Variants in ANGPTL5 observed in about 807,000 individuals in gnomAD.
The protein encoded by ANGPTL5 is angiopoietin like 5, also known as angiopoietin-related protein 5.
A neutral mutation model predicts 39.4 loss-of-function variants in ANGPTL5; 34 were observed. That is an observed-to-expected ratio of 0.86 (90% confidence interval 0.66 to 1.15). The LOEUF is 1.15. Ranked by LOEUF, ANGPTL5 falls within the 50% of genes most tolerant of loss-of-function variation. The pLI is 0.00. For missense variants in ANGPTL5, 467 were observed against 457.5 expected, an observed-to-expected ratio of 1.02 and a Z score of -0.19; for synonymous variants, 146 against 152.1, an observed-to-expected ratio of 0.96 and a Z score of 0.29.
At chr11:101,909,885 G>A (rs1263545602) in intron 1 of ANGPTL5, among the ~76,000 whole-genome samples, 1 of 152,120 alleles carries the variant, frequency 6.6e-6, no homozygotes, top group Non-Finnish European at 1.5e-5. Context: ...AACAAATAGT[G>A]GAGTTTCAGC....
At chr11:101,915,257 G>C (rs951445862) in intron 1 of ANGPTL5, 1 of 1,612,218 alleles carries the variant, frequency 6.2e-7, no homozygotes, top group Non-Finnish European at 8.5e-7. Context: ...TTCTGGGGGC[G>C]AGCAGACAGG....
chr11:101,901,015 C>CTTTTTTTTTTTTTTT (rs34425298), intron 6 of ANGPTL5, among the ~76,000 whole-genome samples: 6 of 98,656 alleles, frequency 6.1e-5, no homozygotes, highest in Admixed American at 1.1e-4. Context: ...GCACCCCCGG[C>CTTTTTTTTTTTTTTT]TTTTTTTTTT....
At chr11:101,896,177 T>C (rs1343806273) in intron 7 of ANGPTL5, among the ~76,000 whole-genome samples, 2 of 144,802 alleles carry the variant, frequency 1.4e-5, no homozygotes, top group Admixed American at 6.7e-5. Context: ...TTTATTTATT[T>C]ATTTATTTAT....
At chr11:101,911,654 A>C (rs1251911796) in intron 1 of ANGPTL5, among the ~76,000 whole-genome samples, 1 of 152,158 alleles carries the variant, frequency 6.6e-6, no homozygotes, top group Non-Finnish European at 1.5e-5. Context: ...TACCATGAGT[A>C]AAAAGCTCCC....
chr11:101,915,347 C>T, intron 1 of ANGPTL5: 2 of 1,614,000 alleles, frequency 1.2e-6, no homozygotes, highest in Non-Finnish European at 1.7e-6. Context: ...AATCATCGGA[C>T]AACCTCGACA....
At chr11:101,911,567 T>C (rs1046616244) in intron 1 of ANGPTL5, among the ~76,000 whole-genome samples, 2 of 152,142 alleles carry the variant, frequency 1.3e-5, no homozygotes, top group African/African-American at 4.8e-5. Flanking sequence ...CCGGTCATTT[T>C]AAAAGTGTGT....
intron 7 of ANGPTL5, among the ~76,000 whole-genome samples, chr11:101,896,350 C>T (rs950024897): frequency 1.3e-5 from 2 of 151,494 alleles, no homozygotes; most frequent in Non-Finnish European, 2.9e-5. Context: ...CCACCCCCAG[C>T]TAATTTTTGT....
chr11:101,908,729 C>T (rs959563703), intron 1 of ANGPTL5, among the ~76,000 whole-genome samples: 5 of 146,256 alleles, frequency 3.4e-5, no homozygotes, highest in African/African-American at 7.7e-5. Context: ...TGCAGTGAGC[C>T]GAGATCACGC....
chr11:101,900,120 C>T (rs1196797337), intron 7 of ANGPTL5, among the ~76,000 whole-genome samples: 3 of 152,132 alleles, frequency 2.0e-5, no homozygotes, highest in South Asian at 4.1e-4. Flanking sequence ...TTCAGTTTTT[C>T]GTTCTGCAAA....
intron 1 of ANGPTL5, among the ~76,000 whole-genome samples, chr11:101,910,185 C>T (rs1040023781): frequency 3.9e-5 from 6 of 151,904 alleles, no homozygotes; most frequent in Middle Eastern, 3.4e-3. Context: ...CTGAGGCGGG[C>T]GGATTACCTG....
At chr11:101,901,099 G>C (rs960485620) in intron 6 of ANGPTL5, among the ~76,000 whole-genome samples, 1 of 146,156 alleles carries the variant, frequency 6.8e-6, no homozygotes, top group African/African-American at 2.5e-5. Context: ...GGATGGTCTC[G>C]ATCTCCTGAC....
intron 7 of ANGPTL5, among the ~76,000 whole-genome samples, chr11:101,897,239 T>C (rs1175387898): frequency 6.6e-6 from 1 of 152,342 alleles, no homozygotes; most frequent in Non-Finnish European, 1.5e-5. Flanking sequence ...AAGTTATTTG[T>C]AGATTCTGGA....
At chr11:101,900,868 T>G (rs971881251) in intron 6 of ANGPTL5, among the ~76,000 whole-genome samples, 1 of 152,070 alleles carries the variant, frequency 6.6e-6, no homozygotes, top group Non-Finnish European at 1.5e-5. Flanking sequence ...CCCTTTTTTT[T>G]TGAGACAGAA....
In ANGPTL5 at chr11:101,906,436, G is replaced by A. The variant is rs112213752; in HGVS notation, c.242-589C>T. ...ATCTTAAGAGAAAATTTCTTATAGC[G>A]AAGTTGCGATAACAGTACAAATAAC... On this transcript the variant is annotated intron_variant, in intron 3 of 8. Transcript: ENST00000334289. 8.7e-3 allele frequency among the ~76,000 whole-genome samples: 1,322 copies of A among 152,060 alleles called. 12 individuals carry two copies. Among genetic ancestry groups the A allele is most frequent in the African/African-American group, 0.027 (1,124 of 41,488 alleles).
At position 101,904,965 on chromosome 11, in the gene ANGPTL5, A is replaced by G. The variant is rs892003844; in HGVS notation, c.346-58T>C. On this transcript the variant is annotated intron_variant, in intron 4 of 8. Coordinates refer to ENST00000334289, the MANE Select transcript of ANGPTL5 (RefSeq NM_178127.5). ...ATATTTGAAGAAATTGCCATCTCTA[A>G]GCCTCTCATAAACCCAGCTCTGAAA... The G allele has an allele frequency of 3.4e-5, 45 of 1,341,942 alleles. 1 individual carries two copies. The Admixed American group carries it at 7.7e-4, about 23-fold the overall frequency. 83.1% of individuals were successfully genotyped at this position (1,341,942 alleles called of 1,614,324 possible). A position where few individuals can be genotyped will look rare whatever the true frequency, so the allele number is the denominator to read the frequency against.
intron 5 of ANGPTL5, among the ~76,000 whole-genome samples, chr11:101,903,344 G>C (rs1364820999): frequency 6.6e-6 from 1 of 152,094 alleles, no homozygotes; most frequent in East Asian, 1.9e-4. Flanking sequence ...CCCCAGGATT[G>C]TAAACACGTG....
chr11:101,892,114 A>G (rs1274068563), intron 8 of ANGPTL5, among the ~76,000 whole-genome samples: 1 of 152,128 alleles, frequency 6.6e-6, no homozygotes, highest in East Asian at 1.9e-4. Context: ...AAAAATTCAG[A>G]TATACTGTTG....
chr11:101,915,421 C>G (rs1419414950), intron 1 of ANGPTL5: 1 of 1,602,100 alleles, frequency 6.2e-7, no homozygotes, highest in Admixed American at 1.7e-5. Context: ...CTGTATCCTT[C>G]CCAGCCTGTG....
At chr11:101,898,607 TC>T (rs1301638446) in intron 7 of ANGPTL5, among the ~76,000 whole-genome samples, 6 of 152,344 alleles carry the variant, frequency 3.9e-5, no homozygotes, top group Admixed American at 1.3e-4. Flanking sequence ...CAATTTGACT[TC>T]CTCTTTTCCT....
Sources: allele counts gnomAD v4.1 joint callset (sites outside exome capture counted in the v4.1 genomes callset), GRCh38; gene constraint gnomAD v4.1.1; transcripts MANE v1.5; gene names NCBI Gene and HGNC (gene_info 2026-07-23, HGNC 2026-07-21).